The following STARD9 variants were observed in gnomAD, a reference collection of about 807,000 sequenced individuals.
The protein encoded by STARD9 is stAR-related lipid transfer protein 9.
STARD9 carries 346 observed loss-of-function variants against 399.8 expected under a neutral mutation model. The observed-to-expected ratio is 0.87, with a 90% CI of 0.79 to 0.95. The LOEUF (loss-of-function observed/expected upper bound fraction) is 0.95, where lower values mean the gene tolerates loss of function less well. STARD9 is among the 40% of genes least tolerant of loss of function. The pLI is 0.00. For synonymous variants in STARD9, 2,203 were observed against 2,143.5 expected, an observed-to-expected ratio of 1.03 and a Z score of -0.77; for missense variants, 5,832 against 5,667.5, an observed-to-expected ratio of 1.03 and a Z score of -0.93.
At chr15:42,607,456 C>A (rs775555339) in intron 3 of STARD9, among the ~76,000 whole-genome samples, 1 of 151,674 alleles carries the variant, frequency 6.6e-6, no homozygotes, top group East Asian at 1.9e-4. Flanking sequence ...GCCCACCTCA[C>A]CCTCCCAAAG....
intron 3 of STARD9, among the ~76,000 whole-genome samples, chr15:42,624,718 T>C (rs2059163439): frequency 6.6e-6 from 1 of 151,834 alleles, no homozygotes; most frequent in Non-Finnish European, 1.5e-5. Context: ...CCAGCTAATT[T>C]TTGTATTTTT....
At chr15:42,621,569 A>G (rs1595654514) in intron 3 of STARD9, among the ~76,000 whole-genome samples, 1 of 152,334 alleles carries the variant, frequency 6.6e-6, no homozygotes, top group South Asian at 2.1e-4. Flanking sequence ...AAACAGAGGG[A>G]TGAGGTACAG....
At chr15:42,674,342 G>T in intron 16 of STARD9, 98 bp from the exon 17 acceptor site, 1 of 982,872 alleles carries the variant, frequency 1.0e-6, no homozygotes, top group East Asian at 2.6e-5. Context: ...TACAGATGAG[G>T]CTGGGAAGAC....
At chr15:42,713,466 TACTC>T (rs565851473) in intron 26 of STARD9, among the ~76,000 whole-genome samples, 182 of 152,334 alleles carry the variant, frequency 1.2e-3, no homozygotes, top group Non-Finnish European at 1.8e-3. Flanking sequence ...GTCCTTGTCT[TACTC>T]CTGATTTGAG....
chr15:42,675,027 G>GC, intron 18 of STARD9, 63 bp downstream of exon 18: 1 of 1,421,446 alleles, frequency 7.0e-7, no homozygotes. Flanking sequence ...AGTTTCATGG[G>GC]CCCAAAGAGC....
rs2060549917 is a variant in STARD9, at chr15:42,686,111, C to T, written c.4533C>T (p.Pro1511=). ...TAGGAGCACCCAAGCCAGCTTACCC[C>T]TACCTTGAGGAAGACTCTGGTTCCC... ...EAIGAPKPAY[P]YLEEDSGSLA... is the part of the protein sequence containing the mutation. The change falls in exon 23 of 33, where the codon CCC becomes CCT. Residue 1511 remains proline (P), a synonymous_variant. Coordinates refer to ENST00000290607, the MANE Select transcript of STARD9 (RefSeq NM_020759.3). The T allele has an allele frequency of 2.0e-6, 3 of 1,537,294 alleles. No homozygotes were observed. The highest frequency in any genetic ancestry group is 2.6e-6 in the Non-Finnish European group (3 of 1,146,908).
Position 42,687,437 on chromosome 15 carries a change from T to G in STARD9, c.5859T>G (p.Asp1953Glu), listed in dbSNP as rs1471449315. ...SAVSLKSRSV[D>E]RRVSSPVMVA... Reference sequence around the variant, plus strand: ...TTTCTTTGAAATCCAGATCAGTAGATCGTAGAGTAAGCAGCCCAGTGATGG... The same window carrying G: ...TTTCTTTGAAATCCAGATCAGTAGAGCGTAGAGTAAGCAGCCCAGTGATGG... The change falls in exon 23 of 33, where the codon GAT becomes GAG. Residue 1953 changes from aspartate (D) to glutamate (E), a missense_variant. This residue lies in a region of STARD9 where 5,828 missense variants were observed against 5,651.1 expected (regional missense o/e 1.03). Coordinates refer to ENST00000290607, the MANE Select transcript of STARD9 (RefSeq NM_020759.3). The G allele has an allele frequency of 6.5e-7, 1 of 1,537,066 alleles. No homozygotes were observed. The highest frequency in any genetic ancestry group is 2.0e-5 in the Admixed American group (1 of 50,988).
chr15:42,634,642 G>A (rs1201946088), intron 3 of STARD9, among the ~76,000 whole-genome samples: 1 of 152,156 alleles, frequency 6.6e-6, no homozygotes, highest in Non-Finnish European at 1.5e-5. Context: ...ATTGTGTCTA[G>A]ATACACTAGG....
rs897298813 is a variant in STARD9, at chr15:42,719,316, G to T, written c.14002-157G>T. Among the ~76,000 whole-genome samples the T allele has an allele frequency of 2.0e-5, 3 of 152,148 alleles. 1 individual carries two copies. The highest frequency in any genetic ancestry group is 1.5e-5 in the Non-Finnish European group (1 of 68,024). On this transcript the variant is annotated intron_variant, in intron 32 of 32. Transcript: ENST00000290607. Reference sequence around the variant, plus strand: ...ACTAGGAGGTGAACGCCAATACTTAGATCTGGATGGCAGAGCCCAGGGGCC... The same window carrying T: ...ACTAGGAGGTGAACGCCAATACTTATATCTGGATGGCAGAGCCCAGGGGCC...
chr15:42,663,678 ATC>A (rs1374267919), intron 12 of STARD9, 140 bp from the exon 13 acceptor site: 9 of 690,370 alleles, frequency 1.3e-5, no homozygotes, highest in Non-Finnish European at 2.2e-5. Flanking sequence ...CTGGTACTCT[ATC>A]TCAGAGAAAG....
intron 3 of STARD9, among the ~76,000 whole-genome samples, chr15:42,616,313 A>C (rs1366595619): frequency 6.6e-6 from 1 of 152,258 alleles, no homozygotes; most frequent in Non-Finnish European, 1.5e-5. Flanking sequence ...TTTTGGCCAA[A>C]GGCCATTTCA....
At chr15:42,645,703 G>A (rs1182253258) in intron 7 of STARD9, among the ~76,000 whole-genome samples, 1 of 151,884 alleles carries the variant, frequency 6.6e-6, no homozygotes, top group African/African-American at 2.4e-5. Flanking sequence ...ACCATACCTG[G>A]CTAATTTTTT....
At chr15:42,701,227 G>A (rs138157695) in intron 26 of STARD9, among the ~76,000 whole-genome samples, 87 of 152,240 alleles carry the variant, frequency 5.7e-4, no homozygotes, top group Admixed American at 1.7e-3. Flanking sequence ...TTCTTTGGCT[G>A]TTTGGGGTCT....
At chr15:42,670,245 G>C (rs887217373) in intron 16 of STARD9, 1 of 152,160 alleles carries the variant, frequency 6.6e-6, no homozygotes, top group Non-Finnish European at 1.5e-5. Flanking sequence ...AGTAGGTAAA[G>C]GAAGCTTAAA....
chr15:42,699,696 T>A (rs1461916673), intron 26 of STARD9, among the ~76,000 whole-genome samples: 2 of 151,858 alleles, frequency 1.3e-5, no homozygotes, highest in Non-Finnish European at 2.9e-5. Flanking sequence ...CCTGGCTAAC[T>A]TTTTTATTTT....
chr15:42,633,057 G>A (rs570207538), intron 3 of STARD9, among the ~76,000 whole-genome samples: 168 of 150,262 alleles, frequency 1.1e-3, no homozygotes, highest in African/African-American at 3.9e-3. Flanking sequence ...TAGGGAGATC[G>A]TTTGAGCCCA....
At position 42,686,228 on chromosome 15, in the gene STARD9, T is replaced by A. The variant is rs117842035; in HGVS notation, c.4650T>A (p.His1550Gln). Reference protein sequence around the residue: ...SNLNLNNFPVHLSRIRRLRAE... With the variant: ...SNLNLNNFPVQLSRIRRLRAE... Reference sequence around the variant, plus strand: ...TGAATCTCAACAACTTTCCAGTCCATCTGTCCAGAATCAGGCGTTTGAGGG... The same window carrying A: ...TGAATCTCAACAACTTTCCAGTCCAACTGTCCAGAATCAGGCGTTTGAGGG... The change falls in exon 23 of 33, where the codon CAT becomes CAA. Residue 1550 changes from histidine to glutamine, a missense_variant. This residue lies in a region of STARD9 where 5,828 missense variants were observed against 5,651.1 expected (regional missense o/e 1.03). Transcript: ENST00000290607. 6,260 of 1,537,708 alleles carry A rather than the reference T, an allele frequency of 4.1e-3. 369 individuals are homozygous for A. In the Admixed American group the frequency reaches 0.1, roughly 25 times the overall value.
chr15:42,678,971 C>T lies in STARD9; in HGVS notation c.1875-2451C>T, dbSNP rs2060369725. 2.6e-5 allele frequency among the ~76,000 whole-genome samples: 4 copies of T among 152,182 alleles called. 1 individual carries two copies. Among genetic ancestry groups the T allele is most frequent in the Admixed American group, 1.3e-4 (2 of 15,276 alleles). On this transcript the variant is annotated intron_variant, in intron 20 of 32. Transcript: ENST00000290607. ...CAGCAGACAGCCTCTCCTTGCAGGT[C>T]CTATGGCTATGCAGGAAACAATATC...
At chr15:42,679,636 G>C (rs2060385445) in intron 20 of STARD9, among the ~76,000 whole-genome samples, 2 of 152,142 alleles carry the variant, frequency 1.3e-5, no homozygotes, top group Non-Finnish European at 2.9e-5. Flanking sequence ...TCCAAGGCAG[G>C]GGCGGCAAAC....
Sources: gnomAD v4.1 joint callset for allele counts (sites outside exome capture counted in the v4.1 genomes callset) on GRCh38, gnomAD v4.1.1 for gene constraint, gnomAD v4.1.1 regional missense constraint, MANE v1.5 for transcripts, NCBI Gene and HGNC (gene_info 2026-07-23, HGNC 2026-07-21) for gene names.